Variants in NRG1 observed in about 807,000 individuals in gnomAD.
NRG1 encodes the protein neuregulin 1, also known as pro-neuregulin-1, membrane-bound isoform.
In NRG1, 18 loss-of-function variants were observed where a neutral mutation model predicts 63.8. That is an observed-to-expected ratio of 0.28 (90% CI 0.19 to 0.42). The LOEUF is 0.42. Ranked by LOEUF, NRG1 falls within the 10% of genes least tolerant of loss-of-function variation. The pLI is 1.00. For missense variants in NRG1, 762 were observed against 814.7 expected (o/e 0.94, Z 0.79); for synonymous variants, 302 against 301.3 (o/e 1.00, Z -0.02).
chr8:31,701,590 G>C (rs1012437616), intron 1 of NRG1, among the ~76,000 whole-genome samples: 11 of 152,048 alleles, frequency 7.2e-5, no homozygotes, highest in Non-Finnish European at 1.5e-4. Flanking sequence ...TAAGGATGGA[G>C]AGGTAGGTAA....
chr8:32,324,683 G>A (rs567311089), intron 1 of NRG1, among the ~76,000 whole-genome samples: 2 of 152,196 alleles, frequency 1.3e-5, no homozygotes, highest in African/African-American at 2.4e-5. Flanking sequence ...TGTCAGAAAA[G>A]GCAAATAAAA....
At chr8:31,695,438 G>T (rs1403471249) in intron 1 of NRG1, among the ~76,000 whole-genome samples, 2 of 152,174 alleles carry the variant, frequency 1.3e-5, no homozygotes, top group East Asian at 1.9e-4. Context: ...CCAAAGTGCT[G>T]GGATTGCAAG....
chr8:32,222,781 G>A (rs1397608788), intron 1 of NRG1, among the ~76,000 whole-genome samples: 6 of 152,176 alleles, frequency 3.9e-5, no homozygotes, highest in Non-Finnish European at 7.3e-5. Flanking sequence ...ACCACTTGAA[G>A]GGATCTGCCC....
intron 5 of NRG1, among the ~76,000 whole-genome samples, chr8:32,698,109 G>A (rs533059411): frequency 6.6e-5 from 10 of 152,162 alleles, no homozygotes; most frequent in African/African-American, 2.4e-4. Context: ...GGGAGGCTGA[G>A]GCAGGAGAAT....
chr8:32,393,798 G>C (rs1812087854), intron 1 of NRG1, among the ~76,000 whole-genome samples: 1 of 152,084 alleles, frequency 6.6e-6, no homozygotes, highest in Non-Finnish European at 1.5e-5. Flanking sequence ...CTTAGTACCT[G>C]GATGATGAAG....
chr8:31,670,251 T>A (rs2130992393), intron 1 of NRG1, among the ~76,000 whole-genome samples: 1 of 152,310 alleles, frequency 6.6e-6, no homozygotes, highest in Admixed American at 6.5e-5. Flanking sequence ...ACTGAGTTCT[T>A]ACTCACGGGG....
intron 1 of NRG1, among the ~76,000 whole-genome samples, chr8:32,269,889 G>A (rs1851366156): frequency 6.6e-6 from 1 of 152,138 alleles, no homozygotes; most frequent in African/African-American, 2.4e-5. Flanking sequence ...TTTTGCCTAA[G>A]AAGCAATTTA....
At chr8:32,643,720 C>T (rs559828218) in intron 5 of NRG1, among the ~76,000 whole-genome samples, 4 of 152,116 alleles carry the variant, frequency 2.6e-5, no homozygotes, top group Non-Finnish European at 5.9e-5. Flanking sequence ...TGGAAGAGCT[C>T]ATTTGATTTA....
At chr8:32,356,474 A>ACCCCCCCCCCCCCCCCCCCGGCC (rs11426642) in intron 1 of NRG1, among the ~76,000 whole-genome samples, 34 of 69,318 alleles carry the variant, frequency 4.9e-4, no homozygotes, top group African/African-American at 6.4e-4. Context: ...CCTTGTTGGG[A>ACCCCCCCCCCCCCCCCCCCGGCC]CCCCCCCCCC....
chr8:32,304,259 T>C (rs1355013646), intron 1 of NRG1, among the ~76,000 whole-genome samples: 1 of 152,256 alleles, frequency 6.6e-6, no homozygotes, highest in Non-Finnish European at 1.5e-5. Flanking sequence ...AAGCTAAAGA[T>C]TTCAAAGCTT....
At chr8:32,287,246 A>T (rs901610104) in intron 1 of NRG1, 2 of 152,160 alleles carry the variant, frequency 1.3e-5, no homozygotes, top group African/African-American at 4.8e-5. Flanking sequence ...TTGAGACACA[A>T]TGACACTTAT....
chr8:32,699,026 T>C (rs1814125028), intron 5 of NRG1, among the ~76,000 whole-genome samples: 1 of 152,196 alleles, frequency 6.6e-6, no homozygotes. Context: ...AGTGCCATTA[T>C]AAATGCTTCT....
chr8:32,269,868 T>C (rs572377267), intron 1 of NRG1, among the ~76,000 whole-genome samples: 2 of 152,154 alleles, frequency 1.3e-5, no homozygotes, highest in Non-Finnish European at 2.9e-5. Context: ...ACAACAACGA[T>C]AAAATGGACC....
chr8:32,073,655 C>CA (rs947411780), intron 1 of NRG1, among the ~76,000 whole-genome samples: 3 of 152,138 alleles, frequency 2.0e-5, no homozygotes, highest in Non-Finnish European at 2.9e-5. Context: ...CATATCTAGG[C>CA]ATTTGCTAAC....
At chr8:32,038,955 G>GA (rs201449743) in intron 1 of NRG1, among the ~76,000 whole-genome samples, 303 of 150,478 alleles carry the variant, frequency 2.0e-3, no homozygotes, top group East Asian at 3.1e-3. Context: ...TCAGAAAAAG[G>GA]AAAAAAAAAT....
chr8:31,751,864 T>C (rs1816507916), intron 1 of NRG1, among the ~76,000 whole-genome samples: 1 of 151,850 alleles, frequency 6.6e-6, no homozygotes, highest in South Asian at 2.1e-4. Flanking sequence ...TGGATGGGGG[T>C]GCCGTTTATG....
intron 1 of NRG1, among the ~76,000 whole-genome samples, chr8:32,115,016 A>G (rs1286243487): frequency 1.3e-5 from 2 of 152,038 alleles, no homozygotes; most frequent in Admixed American, 1.3e-4. Flanking sequence ...CCACCCTTAC[A>G]GTCAAAAATC....
chr8:32,354,046 T>C (rs528289432), intron 1 of NRG1, among the ~76,000 whole-genome samples: 4 of 152,272 alleles, frequency 2.6e-5, no homozygotes, highest in African/African-American at 9.6e-5. Flanking sequence ...GCAAAATAAT[T>C]ACACTAAGTG....
chr8:32,163,756 T>A (rs1839106238), intron 1 of NRG1, among the ~76,000 whole-genome samples: 2 of 152,338 alleles, frequency 1.3e-5, no homozygotes, highest in Non-Finnish European at 2.9e-5. Flanking sequence ...GTGGAAACAC[T>A]GGTACGTTAG....
Sources: allele counts gnomAD v4.1 joint callset (sites outside exome capture counted in the v4.1 genomes callset), GRCh38; gene constraint gnomAD v4.1.1; transcripts MANE v1.5; gene names NCBI Gene and HGNC (gene_info 2026-07-23, HGNC 2026-07-21).